Variants in AKAP10 observed in about 807,000 individuals in gnomAD.
AKAP10 encodes the protein A-kinase anchor protein 10, mitochondrial.
Under a neutral mutation model 80.8 loss-of-function variants are expected in AKAP10, and 24 were observed. That is an observed-to-expected ratio of 0.30 (90% CI 0.22 to 0.42). The LOEUF is 0.42. Among genes scored for constraint, AKAP10 ranks in the 10% least tolerant of loss-of-function variants. AKAP10 has a pLI of 1.00. For synonymous variants in AKAP10, 291 were observed against 277.7 expected, an observed-to-expected ratio of 1.05 and a Z score of -0.48; for missense variants, 661 against 794.9, an observed-to-expected ratio of 0.83 and a Z score of 2.03.
chr17:19,976,181 G>C (rs918019713), intron 1 of AKAP10, among the ~76,000 whole-genome samples: 1 of 152,164 alleles, frequency 6.6e-6, no homozygotes, highest in Non-Finnish European at 1.5e-5. Context: ...ATTTTGTTTA[G>C]TGCTTTTTCC....
intron 10 of AKAP10, among the ~76,000 whole-genome samples, chr17:19,930,086 T>C (rs951418090): frequency 1.3e-5 from 2 of 148,928 alleles, no homozygotes; most frequent in African/African-American, 4.9e-5. Context: ...ATCTCCTAGG[T>C]AAACTTAACA....
At chr17:19,957,988 T>C (rs1337949777) in intron 4 of AKAP10, 26 bp downstream of exon 4, 1 of 1,582,774 alleles carries the variant, frequency 6.3e-7, no homozygotes, top group Admixed American at 1.8e-5. Flanking sequence ...GACACATATG[T>C]ACACACAAGA....
chr17:19,920,011 T>C lies in AKAP10; in HGVS notation c.1834+25A>G, dbSNP rs762597661. ...ATCACTAATGTGAGTAAAGGCTTAA[T>C]ATGAAGTATAAAAACACCACAAACC... On this transcript the variant is annotated intron_variant, in intron 12 of 14. Coordinates refer to ENST00000225737, the MANE Select transcript of AKAP10 (RefSeq NM_007202.4). 8.9e-6 allele frequency: 14 copies of C among 1,580,192 alleles called. No homozygotes were observed. The South Asian group carries it at 1.3e-4, about 15-fold the overall frequency.
At position 19,909,907 on chromosome 17, in the gene AKAP10, T is replaced by C; in HGVS notation, c.1887+19A>G. 1 of 1,611,528 alleles carries C rather than the reference T, an allele frequency of 6.2e-7. No individual in the cohort carries two copies. Among genetic ancestry groups the C allele is most frequent in the Non-Finnish European group, 8.5e-7 (1 of 1,178,744 alleles). On this transcript the variant is annotated intron_variant, in intron 13 of 14. Coordinates refer to ENST00000225737, the MANE Select transcript of AKAP10 (RefSeq NM_007202.4). Reference sequence around the variant, plus strand: ...GCACTTATAAACAGAAATCTTTTTATCCTAAAGGTAGGATTTACCTCATCA... The same window carrying C: ...GCACTTATAAACAGAAATCTTTTTACCCTAAAGGTAGGATTTACCTCATCA...
At chr17:19,962,270 A>C (rs1180136144) in intron 3 of AKAP10, among the ~76,000 whole-genome samples, 1 of 141,048 alleles carries the variant, frequency 7.1e-6, no homozygotes, top group Non-Finnish European at 1.5e-5. Context: ...CAACATACAT[A>C]CATACATACA....
intron 10 of AKAP10, among the ~76,000 whole-genome samples, chr17:19,927,979 G>A (rs1020715272): frequency 6.6e-6 from 1 of 151,996 alleles, no homozygotes; most frequent in African/African-American, 2.4e-5. Context: ...CAGCACTTTG[G>A]GAAGCCTAGG....
At chr17:19,961,954 A>G (rs1436193637) in intron 3 of AKAP10, among the ~76,000 whole-genome samples, 2 of 152,106 alleles carry the variant, frequency 1.3e-5, no homozygotes, top group Non-Finnish European at 2.9e-5. Context: ...TGTCTCTACA[A>G]AAAATTAAAA....
At chr17:19,940,763 CAAT>C in intron 7 of AKAP10, 121 bp downstream of exon 7, 1 of 1,149,884 alleles carries the variant, frequency 8.7e-7, no homozygotes, top group Non-Finnish European at 1.2e-6. Context: ...CAACTTGAAA[CAAT>C]GATACATCTT....
chr17:19,977,479 C>T, intron 1 of AKAP10, 113 bp downstream of exon 1: 8 of 824,492 alleles, frequency 9.7e-6, no homozygotes, highest in Non-Finnish European at 1.3e-5. Flanking sequence ...GCGCCGAGGT[C>T]GAGGCTCGCT....
chr17:19,928,598 CG>C (rs1472083237), intron 10 of AKAP10, among the ~76,000 whole-genome samples: 15 of 152,142 alleles, frequency 9.9e-5, no homozygotes, highest in Middle Eastern at 3.4e-3. Context: ...AAACCACAGC[CG>C]GGCATAGTGG....
rs374562880 is a variant in AKAP10 at position 19,915,388 on chromosome 17, C to A, written c.1834+4648G>T. 4.9e-4 allele frequency among the ~76,000 whole-genome samples: 74 copies of A among 152,270 alleles called. 1 individual carries two copies. Among genetic ancestry groups the A allele is most frequent in the African/African-American group, 1.7e-3 (72 of 41,550 alleles). ...ACAAGTCAGGGTCATTAAAAAGGAA[C>A]CAAGCTGGAGTAAAACAGACTGAGA... On this transcript the variant is annotated intron_variant, in intron 12 of 14. Coordinates refer to ENST00000225737, the MANE Select transcript of AKAP10 (RefSeq NM_007202.4).
chr17:19,932,593 G>A (rs1415665284), intron 9 of AKAP10, among the ~76,000 whole-genome samples: 2 of 151,658 alleles, frequency 1.3e-5, no homozygotes, highest in Non-Finnish European at 2.9e-5. Flanking sequence ...TTTGAAACTC[G>A]ATTTTTCTGG....
chr17:19,970,382 T>C (rs774848721), intron 1 of AKAP10, among the ~76,000 whole-genome samples: 3 of 152,252 alleles, frequency 2.0e-5, no homozygotes, highest in Non-Finnish European at 2.9e-5. Flanking sequence ...TCCTATGTTA[T>C]ACTTCTAACA....
chr17:19,947,143 G>T lies in AKAP10; in HGVS notation c.976+264C>A, dbSNP rs533276494. On this transcript the variant is annotated intron_variant, in intron 5 of 14. Coordinates refer to ENST00000225737, the MANE Select transcript of AKAP10 (RefSeq NM_007202.4). ...GTGCCGGTTAGCGTAGCCGCCCGCCGGCCCGGCTGCTCAGCAGCGGGCAGG... is the reference window on the plus strand; with the variant it reads ...GTGCCGGTTAGCGTAGCCGCCCGCCTGCCCGGCTGCTCAGCAGCGGGCAGG... 26 of 421,794 alleles carry T rather than the reference G, an allele frequency of 6.2e-5. No homozygotes were observed. In the South Asian group the frequency reaches 6.3e-4, roughly 10 times the overall value. 26.1% of individuals were successfully genotyped at this position (421,794 alleles called of 1,614,324 possible). A position where few individuals can be genotyped will look rare whatever the true frequency, so the allele number is the denominator to read the frequency against.
chr17:19,957,416 C>T (rs2043290841), intron 4 of AKAP10, among the ~76,000 whole-genome samples: 1 of 151,992 alleles, frequency 6.6e-6, no homozygotes, highest in African/African-American at 2.4e-5. Context: ...GTGGCAGGCG[C>T]CTGTAGTCCC....
At chr17:19,942,512 C>A (rs2043060514) in intron 5 of AKAP10, among the ~76,000 whole-genome samples, 1 of 152,094 alleles carries the variant, frequency 6.6e-6, no homozygotes, top group Non-Finnish European at 1.5e-5. Context: ...TTGGCAGTTT[C>A]TAGCATAACT....
At chr17:19,953,297 G>A (rs145410523) in intron 4 of AKAP10, among the ~76,000 whole-genome samples, 50 of 150,984 alleles carry the variant, frequency 3.3e-4, no homozygotes, top group Admixed American at 3.1e-3. Context: ...GCTTATCTTA[G>A]AAAAGAAAGG....
At chr17:19,910,991 G>A (rs1271630224) in intron 12 of AKAP10, among the ~76,000 whole-genome samples, 1 of 152,124 alleles carries the variant, frequency 6.6e-6, no homozygotes, top group Non-Finnish European at 1.5e-5. Context: ...TCCTAACTTT[G>A]CTTTAAAACA....
intron 4 of AKAP10, 109 bp from the exon 5 acceptor site, chr17:19,947,614 A>G: frequency 2.5e-6 from 2 of 788,042 alleles, no homozygotes; most frequent in Non-Finnish European, 4.3e-6. Context: ...CTATTGCAAA[A>G]TAAACTTCCA....
Sources: allele counts gnomAD v4.1 joint callset (sites outside exome capture counted in the v4.1 genomes callset), GRCh38; gene constraint gnomAD v4.1.1; transcripts MANE v1.5; gene names NCBI Gene and HGNC (gene_info 2026-07-23, HGNC 2026-07-21).